Variants in SDK2 observed in about 807,000 individuals in gnomAD.
The protein encoded by SDK2 is protein sidekick-2.
In SDK2, 105 loss-of-function variants were observed where a neutral mutation model predicts 253.9. The ratio of observed to expected loss-of-function variants is 0.41; its 90% confidence interval spans 0.35 to 0.49. SDK2 has a LOEUF of 0.49. Among genes scored for constraint, SDK2 ranks in the 20% least tolerant of loss-of-function variants. The pLI, the probability that SDK2 is intolerant of heterozygous loss-of-function variation, is 0.06. For synonymous variants in SDK2, 1,249 were observed against 1,234.9 expected (o/e 1.01, Z -0.24); for missense variants, 2,608 against 3,003.0 (o/e 0.87, Z 3.07).
At chr17:73,533,851 G>A (rs1441598358) in intron 1 of SDK2, among the ~76,000 whole-genome samples, 1 of 152,148 alleles carries the variant, frequency 6.6e-6, no homozygotes, top group Non-Finnish European at 1.5e-5. Flanking sequence ...CCAAAGAAGG[G>A]TCATTATTGC....
At chr17:73,474,139 T>A (rs1216800600) in intron 2 of SDK2, among the ~76,000 whole-genome samples, 2 of 152,188 alleles carry the variant, frequency 1.3e-5, no homozygotes, top group African/African-American at 4.8e-5. Flanking sequence ...AGCGCTAGGA[T>A]TACAGGCATG....
chr17:73,438,160 G>A lies in SDK2; in HGVS notation c.726-6C>T. 7 of 1,548,148 alleles carry A rather than the reference G, an allele frequency of 4.5e-6. No individual in the cohort carries two copies. The highest frequency in any genetic ancestry group is 6.1e-6 in the Non-Finnish European group (7 of 1,144,444). ...TATGTAGCTTGATCAGGGGCCTGCA[G>A]AGGGCAAGGGAAGGCCAGTGTTCAG... On this transcript the variant is annotated splice_region_variant and splice_polypyrimidine_tract_variant and intron_variant, in intron 6 of 44. Transcript: ENST00000392650.
chr17:73,412,096 A>T (rs375161886), intron 18 of SDK2, among the ~76,000 whole-genome samples: 1,031 of 93,722 alleles, frequency 0.011, 31 homozygotes, highest in African/African-American at 0.035. Context: ...ATATATACGT[A>T]TATATGTATA....
At chr17:73,461,278 C>G (rs1356847869) in intron 3 of SDK2, among the ~76,000 whole-genome samples, 1 of 152,240 alleles carries the variant, frequency 6.6e-6, no homozygotes, top group Non-Finnish European at 1.5e-5. Context: ...CAGGTAGGCT[C>G]TGGGGTAGGC....
chr17:73,455,068 C>T lies in SDK2; in HGVS notation c.479+838G>A, dbSNP rs1056480234. Among the ~76,000 whole-genome samples, 2 of 152,102 alleles carry T rather than the reference C, an allele frequency of 1.3e-5. No homozygotes were observed. The highest frequency in any genetic ancestry group is 1.5e-5 in the Non-Finnish European group (1 of 68,022). On this transcript the variant is annotated intron_variant, in intron 4 of 44. Transcript: ENST00000392650. This position sits in a 1 kb window ranked among gnomAD's most constrained non-coding sequence, Gnocchi z 5.0. Reference sequence around the variant, plus strand: ...TTCCTTCCCCCAACTAGACTTAATGCTCCCCAAAGGCAGGAACCATCCATC... The same window carrying T: ...TTCCTTCCCCCAACTAGACTTAATGTTCCCCAAAGGCAGGAACCATCCATC...
At chr17:73,387,193 C>G (rs925435951) in intron 30 of SDK2, among the ~76,000 whole-genome samples, 2 of 152,252 alleles carry the variant, frequency 1.3e-5, no homozygotes, top group African/African-American at 4.8e-5. Flanking sequence ...CTCCTGACCT[C>G]AAGTGATCCT....
chr17:73,349,332 C>A (rs770862322), intron 43 of SDK2, among the ~76,000 whole-genome samples: 8 of 152,246 alleles, frequency 5.3e-5, no homozygotes, highest in Non-Finnish European at 8.8e-5. Flanking sequence ...ATAGCTTCGT[C>A]CCTCTAAGAC....
chr17:73,397,257 C>T (rs1356378427), intron 24 of SDK2, among the ~76,000 whole-genome samples: 1 of 152,156 alleles, frequency 6.6e-6, no homozygotes, highest in Admixed American at 6.5e-5. Context: ...GATTGCTGCT[C>T]TGTGGGACAC....
chr17:73,343,855 T>C (rs973087528), intron 44 of SDK2, among the ~76,000 whole-genome samples: 1 of 152,194 alleles, frequency 6.6e-6, no homozygotes, highest in Non-Finnish European at 1.5e-5. Flanking sequence ...TTGAATCTCA[T>C]GAAGTCTGGG....
chr17:73,472,081 C>T, intron 3 of SDK2, 31 bp downstream of exon 3: 2 of 1,496,532 alleles, frequency 1.3e-6, no homozygotes, highest in South Asian at 1.2e-5. Flanking sequence ...CACAGTCGCC[C>T]CCCCTGCCCC....
intron 39 of SDK2, among the ~76,000 whole-genome samples, chr17:73,358,688 G>A (rs946504181): frequency 1.3e-5 from 2 of 152,102 alleles, no homozygotes; most frequent in African/African-American, 2.4e-5. Context: ...GGGCTGAAGA[G>A]TCCAGTTTCT....
At chr17:73,531,466 A>G (rs1460920841) in intron 1 of SDK2, among the ~76,000 whole-genome samples, 1 of 152,012 alleles carries the variant, frequency 6.6e-6, no homozygotes, top group African/African-American at 2.4e-5. Flanking sequence ...GGTGCATAAC[A>G]CGGCGTCTGG....
At chr17:73,457,151 C>A (rs879703680) in intron 3 of SDK2, among the ~76,000 whole-genome samples, 1 of 152,168 alleles carries the variant, frequency 6.6e-6, no homozygotes, top group Non-Finnish European at 1.5e-5. Flanking sequence ...AGCCTCACCC[C>A]CAAAGCTTCT....
intron 36 of SDK2, among the ~76,000 whole-genome samples, chr17:73,370,232 C>T (rs1215820277): frequency 6.6e-6 from 1 of 152,060 alleles, no homozygotes; most frequent in African/African-American, 2.4e-5. Flanking sequence ...TCTCCAATCC[C>T]TCTCCCCCTT....
intron 1 of SDK2, among the ~76,000 whole-genome samples, chr17:73,525,687 C>T (rs1442237520): frequency 6.6e-6 from 1 of 152,148 alleles, no homozygotes; most frequent in Non-Finnish European, 1.5e-5. Flanking sequence ...AGGATCCCAT[C>T]CCTATCCTAG....
At chr17:73,363,489 A>G (rs1472070545) in intron 38 of SDK2, among the ~76,000 whole-genome samples, 2 of 152,192 alleles carry the variant, frequency 1.3e-5, no homozygotes, top group Admixed American at 1.3e-4. Context: ...AATTCTGAAC[A>G]AAGCCCTCAT....
At chr17:73,516,240 C>T (rs1372780447) in intron 1 of SDK2, among the ~76,000 whole-genome samples, 1 of 152,196 alleles carries the variant, frequency 6.6e-6, no homozygotes, top group Non-Finnish European at 1.5e-5. Context: ...GTTGCAAACG[C>T]CTGCGTGGAT....
At chr17:73,501,831 T>C (rs1419966157) in intron 2 of SDK2, among the ~76,000 whole-genome samples, 1 of 152,248 alleles carries the variant, frequency 6.6e-6, no homozygotes, top group African/African-American at 2.4e-5. Context: ...GAATCCCAGG[T>C]ATTCCTTACA....
chr17:73,500,945 G>A (rs2063886302), intron 2 of SDK2, among the ~76,000 whole-genome samples: 1 of 152,106 alleles, frequency 6.6e-6, no homozygotes, highest in East Asian at 1.9e-4. Context: ...CCCCTGTCCT[G>A]TCATTTCTCC....
Sources: allele counts gnomAD v4.1 joint callset (sites outside exome capture counted in the v4.1 genomes callset), GRCh38; gene constraint gnomAD v4.1.1; non-coding constraint Gnocchi (gnomAD v3.1); transcripts MANE v1.5; gene names NCBI Gene and HGNC (gene_info 2026-07-23, HGNC 2026-07-21).